RBFOX1: variants seen among roughly 807,000 people sequenced by gnomAD.
RBFOX1 encodes RNA binding fox-1 homolog 1.
In RBFOX1, 8 loss-of-function variants were observed where a neutral mutation model predicts 57.7. The ratio of observed to expected loss-of-function variants is 0.14; its 90% CI spans 0.08 to 0.25. The LOEUF (loss-of-function observed/expected upper bound fraction) is 0.25. Among genes scored for constraint, RBFOX1 ranks in the 10% least tolerant of loss-of-function variants. The probability of loss-of-function intolerance (pLI) is 1.00; values close to 1 mark genes in which losing one functional copy is unlikely to be tolerated. For missense variants in RBFOX1, 611 were observed against 548.5 expected, an observed-to-expected ratio of 1.11 and a Z score of -1.14; for synonymous variants, 326 against 222.4, an observed-to-expected ratio of 1.47 and a Z score of -4.15.
chr16:6,552,862 A>T (rs898240544), intron 2 of RBFOX1, among the ~76,000 whole-genome samples: 7 of 152,022 alleles, frequency 4.6e-5, no homozygotes, highest in Non-Finnish European at 8.8e-5. Context: ...GTCTGGCAGT[A>T]TATTCTGTTT....
At chr16:6,628,055 G>A (rs1051765660) in intron 2 of RBFOX1, among the ~76,000 whole-genome samples, 20 of 152,192 alleles carry the variant, frequency 1.3e-4, no homozygotes, top group Non-Finnish European at 2.5e-4. Flanking sequence ...CACTGAGCGT[G>A]AATGTCCATG....
At chr16:6,573,688 C>T (rs970524207) in intron 2 of RBFOX1, 1 of 152,186 alleles carries the variant, frequency 6.6e-6, no homozygotes, top group African/African-American at 2.4e-5. Flanking sequence ...GTGACATGCT[C>T]AGGGGTGACG....
chr16:6,579,051 TAAC>T (rs1047225388), intron 2 of RBFOX1, among the ~76,000 whole-genome samples: 2 of 152,092 alleles, frequency 1.3e-5, no homozygotes, highest in African/African-American at 4.8e-5. Flanking sequence ...AATATAAAAA[TAAC>T]AAATAATTTT....
At chr16:5,628,895 T>G (rs1250316604) in intron 3 of RBFOX1, among the ~76,000 whole-genome samples, 1 of 152,234 alleles carries the variant, frequency 6.6e-6, no homozygotes, top group Non-Finnish European at 1.5e-5. Flanking sequence ...CCTAAGACGT[T>G]AGTCCTAAGT....
chr16:6,903,303 G>T (rs935750370), intron 3 of RBFOX1, among the ~76,000 whole-genome samples: 2 of 152,124 alleles, frequency 1.3e-5, no homozygotes, highest in Non-Finnish European at 1.5e-5. Context: ...TTCCTAGAGA[G>T]GTCAGCAGCC....
chr16:6,019,571 CA>C lies in RBFOX1; in HGVS notation c.-547del. 1 of 1,163,744 alleles carries C rather than the reference CA, an allele frequency of 8.6e-7. No homozygotes were observed. The highest frequency in any genetic ancestry group is 1.1e-6 in the Non-Finnish European group (1 of 944,168). 72.1% of individuals were successfully genotyped at this position (1,163,744 alleles called of 1,614,324 possible). A position where few individuals can be genotyped will look rare whatever the true frequency, so the allele number is the denominator to read the frequency against. ...CAGAGGCGGCGGCACTGGCTGGACC[CA>C]CGCGCGCGCCTCCGGGGCTGAAGAA... is the stretch of plus-strand genomic sequence containing the variant. On this transcript the variant is annotated 5_prime_UTR_variant, in exon 1 of 16. Coordinates refer to ENST00000550418, the MANE Select transcript of RBFOX1 (RefSeq NM_018723.4). The surrounding 1 kb of genome is among the most constrained non-coding windows in gnomAD (Gnocchi z 4.2).
At chr16:7,677,243 G>T (rs1296603381) in intron 14 of RBFOX1, among the ~76,000 whole-genome samples, 1 of 151,580 alleles carries the variant, frequency 6.6e-6, no homozygotes, top group East Asian at 1.9e-4. Flanking sequence ...GATCCTACAA[G>T]GTTTACTTCA....
intron 4 of RBFOX1, among the ~76,000 whole-genome samples, chr16:7,336,514 A>G (rs537631563): frequency 1.3e-5 from 2 of 152,212 alleles, no homozygotes; most frequent in Non-Finnish European, 2.9e-5. Flanking sequence ...TCAGTTATCC[A>G]TTCACTGTAT....
At chr16:5,903,762 C>G (rs1009468395) in intron 4 of RBFOX1, among the ~76,000 whole-genome samples, 1 of 152,132 alleles carries the variant, frequency 6.6e-6, no homozygotes, top group Non-Finnish European at 1.5e-5. Flanking sequence ...CCTATGAGAG[C>G]TAGGCTGACT....
chr16:6,146,797 G>A (rs534881953), intron 1 of RBFOX1, among the ~76,000 whole-genome samples: 2 of 152,200 alleles, frequency 1.3e-5, no homozygotes, highest in Admixed American at 6.5e-5. Flanking sequence ...AGTGAGCATC[G>A]TCTAAGTACT....
At chr16:6,894,830 G>T (rs191218184) in intron 3 of RBFOX1, among the ~76,000 whole-genome samples, 8 of 152,252 alleles carry the variant, frequency 5.3e-5, no homozygotes, top group African/African-American at 1.9e-4. Flanking sequence ...TAGTAGTCCA[G>T]AATAAGACAT....
At chr16:7,131,118 G>C (rs2070235495) in intron 4 of RBFOX1, among the ~76,000 whole-genome samples, 1 of 152,198 alleles carries the variant, frequency 6.6e-6, no homozygotes, top group South Asian at 2.1e-4. Flanking sequence ...GCCAAGGCGG[G>C]CAGATCACAT....
intron 2 of RBFOX1, among the ~76,000 whole-genome samples, chr16:6,358,190 C>T (rs1273497416): frequency 6.6e-6 from 1 of 152,096 alleles, no homozygotes; most frequent in Non-Finnish European, 1.5e-5. Flanking sequence ...ATCCATGAAA[C>T]ACTGACACCT....
At chr16:5,872,135 T>C (rs1213929964) in intron 4 of RBFOX1, among the ~76,000 whole-genome samples, 1 of 152,122 alleles carries the variant, frequency 6.6e-6, no homozygotes, top group Non-Finnish European at 1.5e-5. Flanking sequence ...AAGACACCAG[T>C]GCGTTTGAGA....
chr16:6,526,865 A>T (rs533628170), intron 2 of RBFOX1, among the ~76,000 whole-genome samples: 7 of 143,636 alleles, frequency 4.9e-5, no homozygotes, highest in Non-Finnish European at 6.1e-5. Flanking sequence ...AAAAACAACC[A>T]GAAAAACAGA....
chr16:7,640,305 C>A (rs2062559780), intron 11 of RBFOX1, among the ~76,000 whole-genome samples: 1 of 152,214 alleles, frequency 6.6e-6, no homozygotes, highest in African/African-American at 2.4e-5. Context: ...TGCAAAGAGG[C>A]AGCCACATTT....
In RBFOX1 at chr16:6,968,507, A is replaced by G. The variant is rs114789820; in HGVS notation, c.-15-83550A>G. 7.9e-3 allele frequency among the ~76,000 whole-genome samples: 1,200 copies of G among 152,232 alleles called. 18 individuals are homozygous for G. The highest frequency in any genetic ancestry group is 0.027 in the African/African-American group (1,110 of 41,540). On this transcript the variant is annotated intron_variant, in intron 3 of 15. Transcript: ENST00000550418. ...TCCCTGCTTTGGCTGAAGTTCTCCC[A>G]TAGCCGTTTCCTGAGAGCAGTCTTA...
chr16:5,288,438 C>T (rs1198715036), intron 1 of RBFOX1, among the ~76,000 whole-genome samples: 4 of 151,948 alleles, frequency 2.6e-5, no homozygotes, highest in African/African-American at 9.7e-5. Flanking sequence ...AATAGTCTTC[C>T]CCAGACAGGT....
intron 3 of RBFOX1, among the ~76,000 whole-genome samples, chr16:6,662,807 CA>C (rs71145271): frequency 0.54 from 81,526 of 151,918 alleles, 22,300 homozygotes; most frequent in African/African-American, 0.62. Flanking sequence ...CTACATATGA[CA>C]AAAAAAATAC....
Sources: allele counts gnomAD v4.1 joint callset (sites outside exome capture counted in the v4.1 genomes callset), GRCh38; gene constraint gnomAD v4.1.1; non-coding constraint Gnocchi (gnomAD v3.1); transcripts MANE v1.5; gene names NCBI Gene and HGNC (gene_info 2026-07-23, HGNC 2026-07-21).